Variants in SLC22A25 observed in about 807,000 individuals in gnomAD.
The protein encoded by SLC22A25 is MGI:2442751, MGI:2385316, MGI:3042283, MGI:3645714, MGI:3605624, MGI:2442750.
SLC22A25 carries 44 observed loss-of-function variants against 45.9 expected under a neutral mutation model. The observed-to-expected ratio is 0.96, with a 90% CI of 0.75 to 1.23. SLC22A25 has a LOEUF of 1.23. Among genes scored for constraint, SLC22A25 ranks in the 50% most tolerant of loss-of-function variants. The pLI is 0.00. For missense variants in SLC22A25, 800 were observed against 666.4 expected, an observed-to-expected ratio of 1.20 and a Z score of -2.21; for synonymous variants, 283 against 238.6, an observed-to-expected ratio of 1.19 and a Z score of -1.72.
Position 63,222,956 on chromosome 11 carries a change from T to C in SLC22A25, c.507-5221A>G, listed in dbSNP as rs80182090. The stretch of plus-strand genomic sequence containing the variant: ...TGATTTTTGTATTTTGAACCATCTT[T>C]GTATCCCTGGTTCAAAATCCCACTT... On this transcript the variant is annotated intron_variant, in intron 5 of 11. Coordinates refer to ENST00000306494, the MANE Select transcript of SLC22A25 (RefSeq NM_199352.6). 9.0e-3 allele frequency among the ~76,000 whole-genome samples: 1,363 copies of C among 152,212 alleles called. 53 individuals are homozygous for C. Among genetic ancestry groups the C allele is most frequent in the Admixed American group, 0.059 (909 of 15,288 alleles).
chr11:63,164,533 T>C lies in SLC22A25; in HGVS notation c.1387A>G (p.Ile463Val). Residue 463 changes from isoleucine to valine, a missense_variant, in exon 11 of 12, where the codon ATA becomes GTA. Physicochemically the swap from Ile to Val is conservative, Grantham distance 29. Transcript: ENST00000306494. Reference protein sequence around the residue: ...TAQENELIPSIIRGRATGITG... With the variant: ...TAQENELIPSVIRGRATGITG... ...ACACATAAACTTTTGTACCTGATTA[T>C]GGAAGGAATTAGTTCATTTTCTTGG... The C allele has an allele frequency of 6.2e-7, 1 of 1,613,414 alleles. No individual in the cohort carries two copies. Among genetic ancestry groups the C allele is most frequent in the Non-Finnish European group, 8.5e-7 (1 of 1,179,486 alleles).
chr11:63,207,134 A>T (rs1003068203), intron 7 of SLC22A25, among the ~76,000 whole-genome samples: 7 of 152,246 alleles, frequency 4.6e-5, no homozygotes, highest in African/African-American at 7.2e-5. Context: ...TGAATTAAAG[A>T]CTTAAATGTA....
At chr11:63,218,056 C>T (rs1175008463) in intron 5 of SLC22A25, 3 of 525,396 alleles carry the variant, frequency 5.7e-6, no homozygotes, top group Admixed American at 2.3e-5. Context: ...ACAAATTGTT[C>T]TACCAAAAAG....
At chr11:63,219,130 G>T (rs954698362) in intron 5 of SLC22A25, among the ~76,000 whole-genome samples, 4 of 152,078 alleles carry the variant, frequency 2.6e-5, no homozygotes, top group African/African-American at 7.2e-5. Flanking sequence ...CAACTTTATG[G>T]CCTCAAAAAC....
intron 3 of SLC22A25, among the ~76,000 whole-genome samples, chr11:63,233,886 G>A (rs1320871155): frequency 6.6e-6 from 1 of 151,388 alleles, no homozygotes; most frequent in African/African-American, 2.4e-5. Context: ...CCTTCATTTC[G>A]TTATGTACCC....
In SLC22A25 at chr11:63,160,637, C is replaced by T. The variant is rs145829955; in HGVS notation, c.*3187G>A. On this transcript the variant is annotated 3_prime_UTR_variant, in exon 12 of 12. Coordinates refer to ENST00000306494, the MANE Select transcript of SLC22A25 (RefSeq NM_199352.6). ...AGTGGAGCTGTGAGAAGAGGGTCTTCGACCTCCAGACCCCAGAATTGTAAA... is the reference window on the plus strand; with the variant it reads ...AGTGGAGCTGTGAGAAGAGGGTCTTTGACCTCCAGACCCCAGAATTGTAAA... 4.9e-4 allele frequency among the ~76,000 whole-genome samples: 75 copies of T among 152,190 alleles called. No homozygotes were observed. Among genetic ancestry groups the T allele is most frequent in the Middle Eastern group, 3.4e-3 (1 of 294 alleles).
At chr11:63,179,888 AG>A (rs1047068619) in intron 9 of SLC22A25, among the ~76,000 whole-genome samples, 12 of 152,082 alleles carry the variant, frequency 7.9e-5, no homozygotes, top group African/African-American at 2.9e-4. Flanking sequence ...GCTCTGAGTG[AG>A]GGGAGACAGA....
At chr11:63,220,542 A>G (rs1152250) in intron 5 of SLC22A25, among the ~76,000 whole-genome samples, 148,466 of 152,324 alleles carry the variant, frequency 0.97, 72,427 homozygotes, top group East Asian at 1. Flanking sequence ...TTTGAAACAG[A>G]CATACAATGT....
At chr11:63,235,654 A>G (rs1267046156) in intron 3 of SLC22A25, among the ~76,000 whole-genome samples, 1 of 152,224 alleles carries the variant, frequency 6.6e-6, no homozygotes, top group Admixed American at 6.5e-5. Context: ...CATTGAAGTC[A>G]TTCTCTGTCC....
intron 9 of SLC22A25, among the ~76,000 whole-genome samples, chr11:63,173,324 T>C (rs970012060): frequency 1.3e-5 from 2 of 152,142 alleles, no homozygotes; most frequent in Non-Finnish European, 2.9e-5. Flanking sequence ...CCATGGCACA[T>C]GTATACCAAT....
chr11:63,199,595 T>C (rs1211846873), intron 7 of SLC22A25, among the ~76,000 whole-genome samples: 1 of 151,974 alleles, frequency 6.6e-6, no homozygotes, highest in African/African-American at 2.4e-5. Context: ...ACCAAAGACA[T>C]TTAGTCTAAG....
At chr11:63,233,215 G>A (rs972307506) in intron 3 of SLC22A25, among the ~76,000 whole-genome samples, 3 of 152,154 alleles carry the variant, frequency 2.0e-5, no homozygotes, top group African/African-American at 7.2e-5. Context: ...AATGGTACCA[G>A]CTCCTCCTTT....
At chr11:63,206,918 GGT>G (rs2089420975) in intron 7 of SLC22A25, among the ~76,000 whole-genome samples, 3 of 152,120 alleles carry the variant, frequency 2.0e-5, no homozygotes, top group Non-Finnish European at 4.4e-5. Flanking sequence ...GCATGGCAGT[GGT>G]ACCAAAACAG....
chr11:63,196,683 T>G (rs990091950), intron 7 of SLC22A25, among the ~76,000 whole-genome samples: 2 of 152,208 alleles, frequency 1.3e-5, no homozygotes, highest in Non-Finnish European at 2.9e-5. Flanking sequence ...GCATTCCCTT[T>G]GAAAACTGGC....
At chr11:63,215,835 T>C (rs1439709429) in intron 7 of SLC22A25, among the ~76,000 whole-genome samples, 1 of 152,122 alleles carries the variant, frequency 6.6e-6, no homozygotes. Flanking sequence ...TAAGTTCTAA[T>C]CATTTAGCTC....
chr11:63,220,589 C>A (rs2089830862), intron 5 of SLC22A25, among the ~76,000 whole-genome samples: 1 of 152,166 alleles, frequency 6.6e-6, no homozygotes, highest in Admixed American at 6.6e-5. Context: ...GCACCCATCA[C>A]CTCAAGCATT....
chr11:63,166,687 C>A (rs1180003954), intron 9 of SLC22A25: 2 of 999,822 alleles, frequency 2.0e-6, no homozygotes, highest in Non-Finnish European at 2.4e-6. Context: ...GCCACCCTTA[C>A]AATCAGGAAT....
At chr11:63,164,690 C>T (rs186262282) in intron 10 of SLC22A25, 56 bp from the exon 11 acceptor site, 1 of 1,386,134 alleles carries the variant, frequency 7.2e-7, no homozygotes, top group East Asian at 2.3e-5. Context: ...GAATCAGCAT[C>T]TCCCAAGGTA....
At chr11:63,189,427 C>A (rs773487000) in intron 7 of SLC22A25, among the ~76,000 whole-genome samples, 1 of 152,096 alleles carries the variant, frequency 6.6e-6, no homozygotes, top group Non-Finnish European at 1.5e-5. Context: ...TTATTTTGAG[C>A]CTATCTTTGT....
Sources: gnomAD v4.1 joint callset for allele counts (sites outside exome capture counted in the v4.1 genomes callset) on GRCh38, gnomAD v4.1.1 for gene constraint, MANE v1.5 for transcripts, NCBI Gene and HGNC (gene_info 2026-07-23, HGNC 2026-07-21) for gene names.